Variants in PTPRG observed in about 807,000 individuals in gnomAD.
The protein encoded by PTPRG is protein tyrosine phosphatase receptor type G, also known as receptor-type tyrosine-protein phosphatase gamma.
PTPRG carries 102 observed loss-of-function variants against 165.3 expected under a neutral mutation model. The ratio of observed to expected loss-of-function variants is 0.62; its 90% CI spans 0.53 to 0.73. The LOEUF (loss-of-function observed/expected upper bound fraction) is 0.73, where lower values mean the gene tolerates loss of function less well. PTPRG is among the 30% of genes least tolerant of loss of function. The pLI is 0.00. For synonymous variants in PTPRG, 675 were observed against 669.5 expected, an observed-to-expected ratio of 1.01 and a Z score of -0.13; for missense variants, 1,866 against 1,861.4, an observed-to-expected ratio of 1.00 and a Z score of -0.05.
At chr3:62,253,408 T>C (rs1199592341) in intron 15 of PTPRG, among the ~76,000 whole-genome samples, 1 of 152,208 alleles carries the variant, frequency 6.6e-6, no homozygotes, top group African/African-American at 2.4e-5. Context: ...ATAGTCTACA[T>C]ACTAGAGTGA....
chr3:61,976,703 C>T (rs1000123499), intron 2 of PTPRG, among the ~76,000 whole-genome samples: 1 of 151,916 alleles, frequency 6.6e-6, no homozygotes. Flanking sequence ...GAGAGGGAGT[C>T]TCGGTGTCTT....
At chr3:61,584,235 T>C (rs1397077083) in intron 1 of PTPRG, among the ~76,000 whole-genome samples, 4 of 152,180 alleles carry the variant, frequency 2.6e-5, no homozygotes. Flanking sequence ...GTACAACATT[T>C]AGAGCCTGAA....
intron 2 of PTPRG, among the ~76,000 whole-genome samples, chr3:61,817,856 A>G (rs904429233): frequency 1.3e-5 from 2 of 152,190 alleles, no homozygotes; most frequent in Non-Finnish European, 2.9e-5. Context: ...ATCATTTTCC[A>G]AACTAATAAC....
intron 1 of PTPRG, among the ~76,000 whole-genome samples, chr3:61,664,979 C>T (rs1702768493): frequency 6.6e-6 from 1 of 152,164 alleles, no homozygotes; most frequent in Admixed American, 6.5e-5. Context: ...GAACCACTAG[C>T]AGGTGGAGTT....
intron 5 of PTPRG, among the ~76,000 whole-genome samples, chr3:62,111,273 C>T (rs1347849526): frequency 1.3e-5 from 2 of 152,156 alleles, no homozygotes; most frequent in African/African-American, 4.8e-5. Flanking sequence ...TTCTGGAATC[C>T]ACGAGGCCAG....
At chr3:61,848,473 A>AT (rs916389982) in intron 2 of PTPRG, among the ~76,000 whole-genome samples, 1 of 152,180 alleles carries the variant, frequency 6.6e-6, no homozygotes, top group Non-Finnish European at 1.5e-5. Flanking sequence ...GAACATTTGC[A>AT]TTTTTTATCT....
At chr3:62,193,404 T>C (rs1699886028) in intron 9 of PTPRG, among the ~76,000 whole-genome samples, 1 of 152,226 alleles carries the variant, frequency 6.6e-6, no homozygotes, top group East Asian at 1.9e-4. Context: ...CAGCAACTTC[T>C]TTCTTACAAG....
intron 1 of PTPRG, among the ~76,000 whole-genome samples, chr3:61,711,385 C>T (rs1452299967): frequency 6.6e-6 from 1 of 152,340 alleles, no homozygotes; most frequent in East Asian, 1.9e-4. Flanking sequence ...CACACTCCCA[C>T]CAACAGTGTA....
rs1274077247 is a variant in PTPRG, at chr3:62,217,439, T to A, written c.2156-1412T>A. 1 of 152,242 alleles carries A rather than the reference T, an allele frequency of 6.6e-6. No homozygotes were observed. The highest frequency in any genetic ancestry group is 1.5e-5 in the Non-Finnish European group (1 of 68,076). 9.4% of individuals were successfully genotyped at this position (152,242 alleles called of 1,614,324 possible). On this transcript the variant is annotated intron_variant, in intron 12 of 29. Transcript: ENST00000474889. This position sits in a 1 kb window ranked among gnomAD's most constrained non-coding sequence, Gnocchi z 4.3. ...TTCCTGACTCGGGAGTCTTGCCTCTTTAAAAATCTGCTCCCATAGCCAATT... is the reference window on the plus strand; with the variant it reads ...TTCCTGACTCGGGAGTCTTGCCTCTATAAAAATCTGCTCCCATAGCCAATT...
intron 1 of PTPRG, among the ~76,000 whole-genome samples, chr3:61,623,301 C>G (rs534367698): frequency 1.1e-3 from 164 of 152,294 alleles, no homozygotes; most frequent in South Asian, 6.6e-3. Context: ...ACTCAGATCC[C>G]TCCTTGGGCG....
At chr3:61,600,159 C>CAAAAAA (rs376881197) in intron 1 of PTPRG, among the ~76,000 whole-genome samples, 5 of 113,560 alleles carry the variant, frequency 4.4e-5, no homozygotes, top group African/African-American at 1.8e-4. Context: ...GACATTGTCT[C>CAAAAAA]AAAAAAAAAA....
At chr3:61,812,278 CCATTCATT>C (rs71782952) in intron 2 of PTPRG, among the ~76,000 whole-genome samples, 72 of 144,762 alleles carry the variant, frequency 5.0e-4, no homozygotes, top group Admixed American at 1.1e-3. Context: ...GTGGTCCTGA[CCATTCATT>C]CATTCATTCA....
At chr3:61,783,333 C>T (rs529284148) in intron 2 of PTPRG, among the ~76,000 whole-genome samples, 6 of 151,954 alleles carry the variant, frequency 3.9e-5, no homozygotes, top group Non-Finnish European at 7.4e-5. Flanking sequence ...GAGTGAGACC[C>T]GTGTCAAAAG....
intron 5 of PTPRG, among the ~76,000 whole-genome samples, chr3:62,131,513 AC>A (rs765199779): frequency 9.2e-5 from 14 of 152,224 alleles, no homozygotes; most frequent in Non-Finnish European, 1.8e-4. Flanking sequence ...CTCTGAATTG[AC>A]CTGAAAACAT....
intron 4 of PTPRG, among the ~76,000 whole-genome samples, chr3:62,054,749 A>G (rs1700580286): frequency 6.6e-6 from 1 of 152,236 alleles, no homozygotes; most frequent in African/African-American, 2.4e-5. Context: ...TCTTAAAAGA[A>G]CTGCATTGTT....
rs1418614714 is a variant in PTPRG, at chr3:61,902,373, A to G, written c.191-87252A>G. Among the ~76,000 whole-genome samples the G allele has an allele frequency of 2.6e-5, 4 of 152,190 alleles. No individual in the cohort carries two copies. In the East Asian group the frequency reaches 7.7e-4, roughly 29 times the overall value. ...TTGGAGGGAGAAGCAGGTGCTTGCT[A>G]GACAGGTGCATGTAGGCCCAAGGGA... On this transcript the variant is annotated intron_variant, in intron 2 of 29. Transcript: ENST00000474889.
intron 2 of PTPRG, among the ~76,000 whole-genome samples, chr3:61,955,415 T>C (rs1002514689): frequency 6.6e-6 from 1 of 152,224 alleles, no homozygotes; most frequent in Non-Finnish European, 1.5e-5. Context: ...AATTTTAAAA[T>C]AATATTTGTA....
At chr3:62,143,545 A>G (rs1204579339) in intron 6 of PTPRG, among the ~76,000 whole-genome samples, 2 of 150,258 alleles carry the variant, frequency 1.3e-5, no homozygotes, top group Non-Finnish European at 2.9e-5. Context: ...TTTTAGTCTC[A>G]TGAAGAATCT....
At chr3:62,031,042 A>G (rs1289308885) in intron 4 of PTPRG, among the ~76,000 whole-genome samples, 1 of 152,218 alleles carries the variant, frequency 6.6e-6, no homozygotes, top group African/African-American at 2.4e-5. Context: ...TATGGCTGGG[A>G]AAAGGTGAAA....
Sources: allele counts gnomAD v4.1 joint callset (sites outside exome capture counted in the v4.1 genomes callset), GRCh38; gene constraint gnomAD v4.1.1; non-coding constraint Gnocchi (gnomAD v3.1); transcripts MANE v1.5; gene names NCBI Gene and HGNC (gene_info 2026-07-23, HGNC 2026-07-21).